Variants in SAMD5 observed in about 807,000 individuals in gnomAD.
The protein encoded by SAMD5 is sterile alpha motif domain containing 5.
Under a neutral mutation model 11.3 loss-of-function variants are expected in SAMD5, and 13 were observed. The observed-to-expected ratio is 1.15, with a 90% CI of 0.75 to 1.83. The LOEUF (loss-of-function observed/expected upper bound fraction) is 1.83, where lower values mean the gene tolerates loss of function less well. Ranked by LOEUF, SAMD5 falls within the 40% of genes most tolerant of loss-of-function variation. The pLI, the probability that SAMD5 is intolerant of heterozygous loss-of-function variation, is 0.00. For missense variants in SAMD5, 255 were observed against 239.1 expected (o/e 1.07, Z -0.44); for synonymous variants, 129 against 111.3 (o/e 1.16, Z -1.00).
intron 1 of SAMD5, among the ~76,000 whole-genome samples, chr6:147,634,678 A>AT (rs2128451654): frequency 6.6e-6 from 1 of 152,244 alleles, no homozygotes; most frequent in Non-Finnish European, 1.5e-5. Flanking sequence ...TGAAGGAGGG[A>AT]TTTTACCCCC....
chr6:147,558,214 G>A (rs1788888295), intron 1 of SAMD5, among the ~76,000 whole-genome samples: 1 of 152,188 alleles, frequency 6.6e-6, no homozygotes, highest in Admixed American at 6.5e-5. Flanking sequence ...CTGTGGAATA[G>A]GTTGATGAGA....
At chr6:147,901,028 TA>T in the SAMD5 span, among the ~76,000 whole-genome samples, 1 of 152,172 alleles carries the variant, frequency 6.6e-6, no homozygotes, top group Admixed American at 6.5e-5. Flanking sequence ...ATTAAAAGCT[TA>T]AGAGTGTGAT....
At chr6:147,795,914 T>C in the SAMD5 span, among the ~76,000 whole-genome samples, 1 of 152,040 alleles carries the variant, frequency 6.6e-6, no homozygotes, top group Non-Finnish European at 1.5e-5. Flanking sequence ...GATGGGGTTG[T>C]TTGTTTTTTT....
At chr6:147,773,961 G>A in the SAMD5 span, among the ~76,000 whole-genome samples, 1 of 152,170 alleles carries the variant, frequency 6.6e-6, no homozygotes, top group East Asian at 1.9e-4. Flanking sequence ...TCCCATCTCA[G>A]CCTCCCAAGT....
the SAMD5 span, among the ~76,000 whole-genome samples, chr6:147,916,371 A>G: frequency 7.4e-4 from 112 of 152,258 alleles, no homozygotes; most frequent in Admixed American, 1.6e-3. Context: ...TCCCACCAAC[A>G]GTGTAAAAGT....
the SAMD5 span, among the ~76,000 whole-genome samples, chr6:147,754,719 A>C: frequency 6.6e-6 from 1 of 152,078 alleles, no homozygotes; most frequent in Non-Finnish European, 1.5e-5. Flanking sequence ...TCTTTAATCT[A>C]TTTTGATTGA....
intron 1 of SAMD5, among the ~76,000 whole-genome samples, chr6:147,586,238 C>T (rs1187469677): frequency 6.6e-6 from 1 of 152,160 alleles, no homozygotes; most frequent in Non-Finnish European, 1.5e-5. Flanking sequence ...AAAATGTCTT[C>T]AATTACGGGC....
At chr6:147,916,809 T>C in the SAMD5 span, among the ~76,000 whole-genome samples, 1 of 149,258 alleles carries the variant, frequency 6.7e-6, no homozygotes, top group East Asian at 2.0e-4. Flanking sequence ...ATACGGTGTT[T>C]GGTTTTTTGT....
At chr6:147,776,715 G>C in the SAMD5 span, among the ~76,000 whole-genome samples, 1 of 152,156 alleles carries the variant, frequency 6.6e-6, no homozygotes. Context: ...TTCATCACAA[G>C]AATACTTAAA....
the SAMD5 span, among the ~76,000 whole-genome samples, chr6:147,913,162 G>T: frequency 6.6e-6 from 1 of 152,096 alleles, no homozygotes. Flanking sequence ...ATTGAAACAA[G>T]TCAACCTGAT....
intron 1 of SAMD5, among the ~76,000 whole-genome samples, chr6:147,597,259 T>A (rs1349244908): frequency 6.6e-6 from 1 of 152,194 alleles, no homozygotes; most frequent in Admixed American, 6.5e-5. Context: ...GATTAATTAA[T>A]CTATTAATTA....
At position 147,711,068 on chromosome 6, in the gene SAMD5, G is replaced by A. The variant is rs77233343; in HGVS notation, c.163-26249G>A. 0.018 allele frequency among the ~76,000 whole-genome samples: 2,739 copies of A among 151,648 alleles called. 72 individuals carry two copies. Among genetic ancestry groups the A allele is most frequent in the African/African-American group, 0.061 (2,523 of 41,314 alleles). ...TGAAAGAAGGAAGGAAAAGAAGGAAGGAAGGAAGGGAAGGAAGGGGGCAAT... is the reference window on the plus strand; with the variant it reads ...TGAAAGAAGGAAGGAAAAGAAGGAAAGAAGGAAGGGAAGGAAGGGGGCAAT... On this transcript the variant is annotated intron_variant, in intron 1 of 1. Transcript: ENST00000566741. The surrounding 1 kb of genome is among the most constrained non-coding windows in gnomAD (Gnocchi z 4.1).
chr6:147,528,596 A>G (rs1246730745), intron 1 of SAMD5, among the ~76,000 whole-genome samples: 2 of 152,182 alleles, frequency 1.3e-5, no homozygotes, highest in African/African-American at 4.8e-5. Flanking sequence ...GATGCAGTTC[A>G]CCCCATAAGA....
At chr6:147,562,639 G>A (rs1254711054) in intron 1 of SAMD5, among the ~76,000 whole-genome samples, 4 of 152,104 alleles carry the variant, frequency 2.6e-5, no homozygotes, top group Admixed American at 6.5e-5. Context: ...TGGCTAACAC[G>A]GTGAAACTCC....
the SAMD5 span, among the ~76,000 whole-genome samples, chr6:147,893,425 C>G: frequency 9.9e-5 from 15 of 152,214 alleles, no homozygotes; most frequent in Non-Finnish European, 4.4e-5. Flanking sequence ...ATTCCACCAC[C>G]TCTTGGTTAT....
At chr6:147,906,499 A>G in the SAMD5 span, among the ~76,000 whole-genome samples, 2 of 152,354 alleles carry the variant, frequency 1.3e-5, no homozygotes, top group South Asian at 4.1e-4. Flanking sequence ...AAGAGGGCCA[A>G]GCCTGAAAAG....
the SAMD5 span, among the ~76,000 whole-genome samples, chr6:147,938,831 C>T: frequency 1.9e-4 from 29 of 152,196 alleles, no homozygotes; most frequent in East Asian, 5.6e-3. Context: ...CTTTGGATAC[C>T]AAATGCATGG....
At chr6:147,575,765 A>G (rs1471190036) in intron 1 of SAMD5, among the ~76,000 whole-genome samples, 2 of 152,192 alleles carry the variant, frequency 1.3e-5, no homozygotes, top group African/African-American at 2.4e-5. Context: ...GGTCTCTGAC[A>G]TGATTTACCC....
chr6:147,704,489 G>A (rs1382137125), intron 1 of SAMD5, among the ~76,000 whole-genome samples: 3 of 151,900 alleles, frequency 2.0e-5, no homozygotes, highest in African/African-American at 4.8e-5. Context: ...TAGTAATCCC[G>A]GAAGAGAAAT....
Sources: allele counts gnomAD v4.1 joint callset (sites outside exome capture counted in the v4.1 genomes callset), GRCh38; gene constraint gnomAD v4.1.1; non-coding constraint Gnocchi (gnomAD v3.1); transcripts MANE v1.5; gene names NCBI Gene and HGNC (gene_info 2026-07-23, HGNC 2026-07-21).